The following CDC42BPA variants were observed in gnomAD, a reference collection of about 807,000 sequenced individuals.
CDC42BPA encodes CDC42 binding protein kinase alpha.
CDC42BPA carries 80 observed loss-of-function variants against 223.5 expected under a neutral mutation model. That is an observed-to-expected ratio of 0.36 (90% CI 0.30 to 0.43). The LOEUF (loss-of-function observed/expected upper bound fraction) is 0.43, where lower values mean the gene tolerates loss of function less well. CDC42BPA is among the 20% of genes least tolerant of loss of function. The probability of loss-of-function intolerance (pLI) is 1.00; values close to 1 mark genes in which losing one functional copy is unlikely to be tolerated. For missense variants in CDC42BPA, 1,743 were observed against 2,099.9 expected (o/e 0.83, Z 3.32); for synonymous variants, 694 against 718.6 (o/e 0.97, Z 0.55).
At chr1:227,263,944 T>C (rs561211861) in intron 1 of CDC42BPA, among the ~76,000 whole-genome samples, 3 of 152,148 alleles carry the variant, frequency 2.0e-5, no homozygotes, top group Non-Finnish European at 4.4e-5. Flanking sequence ...TCTGGATGGA[T>C]TTTAGTCTAA....
At chr1:227,057,784 A>G (rs1411042058) in intron 21 of CDC42BPA, among the ~76,000 whole-genome samples, 1 of 152,254 alleles carries the variant, frequency 6.6e-6, no homozygotes, top group Non-Finnish European at 1.5e-5. Flanking sequence ...CATAGAATTA[A>G]GGAGAGACCT....
chr1:227,173,721 T>A (rs548092294), intron 5 of CDC42BPA, among the ~76,000 whole-genome samples: 3 of 152,248 alleles, frequency 2.0e-5, no homozygotes, highest in Admixed American at 6.5e-5. Context: ...ATTTTTTTTT[T>A]AACTCTACCC....
chr1:227,302,403 T>C lies in CDC42BPA; in HGVS notation c.178+14602A>G, dbSNP rs183486812. ...TCATACTTAAGAATTTGTCTGGATA[T>C]AGAATTTCAGTTTAGAAACTGTTTT... On this transcript the variant is annotated intron_variant, in intron 1 of 36. Coordinates refer to ENST00000366766, the MANE Select transcript of CDC42BPA (RefSeq NM_001394014.1). 3.3e-5 allele frequency among the ~76,000 whole-genome samples: 5 copies of C among 152,330 alleles called. No homozygotes were observed. The East Asian group carries it at 7.7e-4, about 23-fold the overall frequency.
At chr1:227,126,933 A>G (rs1198689747) in intron 11 of CDC42BPA, among the ~76,000 whole-genome samples, 2 of 152,198 alleles carry the variant, frequency 1.3e-5, no homozygotes, top group Admixed American at 6.5e-5. Flanking sequence ...AGGCAAGAAA[A>G]GGAAACAAAA....
chr1:227,136,412 C>G (rs1021346244), intron 10 of CDC42BPA, among the ~76,000 whole-genome samples: 3 of 152,102 alleles, frequency 2.0e-5, no homozygotes, highest in Non-Finnish European at 2.9e-5. Flanking sequence ...TACCATCTAA[C>G]ATATACACAA....
At chr1:227,251,218 A>T (rs1352228851) in intron 2 of CDC42BPA, among the ~76,000 whole-genome samples, 1 of 150,574 alleles carries the variant, frequency 6.6e-6, no homozygotes, top group Non-Finnish European at 1.5e-5. Context: ...TGGAACTAAA[A>T]TATATGACAG....
At chr1:227,184,390 G>GT (rs1331673738) in intron 5 of CDC42BPA, among the ~76,000 whole-genome samples, 4 of 145,532 alleles carry the variant, frequency 2.7e-5, no homozygotes, top group African/African-American at 8.0e-5. Flanking sequence ...AGTTATTTGG[G>GT]GTTTTTTTTT....
intron 1 of CDC42BPA, among the ~76,000 whole-genome samples, chr1:227,291,275 G>A (rs933833229): frequency 7.9e-5 from 12 of 152,070 alleles, no homozygotes; most frequent in African/African-American, 2.9e-4. Flanking sequence ...TAGGCTGGGC[G>A]CGGTGGCTCA....
intron 10 of CDC42BPA, among the ~76,000 whole-genome samples, chr1:227,134,706 A>G (rs1399831141): frequency 6.6e-6 from 1 of 152,224 alleles, no homozygotes; most frequent in Non-Finnish European, 1.5e-5. Context: ...ATGTTAATCT[A>G]TGTCACTGCT....
rs115609753 is a variant in CDC42BPA, at chr1:227,064,213, T to C, written c.2904+5564A>G. 3.9e-3 allele frequency among the ~76,000 whole-genome samples: 601 copies of C among 152,306 alleles called. 4 individuals carry two copies. Among genetic ancestry groups the C allele is most frequent in the African/African-American group, 0.014 (580 of 41,570 alleles). ...AGTAAGAAAACTCTGAAAAACCAAG[T>C]TGAGTACATTCTCATTTTCCAGGCA... On this transcript the variant is annotated intron_variant, in intron 21 of 36. Transcript: ENST00000366766.
At chr1:227,311,543 T>C (rs1331625743) in intron 1 of CDC42BPA, among the ~76,000 whole-genome samples, 1 of 152,118 alleles carries the variant, frequency 6.6e-6, no homozygotes, top group Non-Finnish European at 1.5e-5. Context: ...ATAGGTCATA[T>C]GGTTATCACT....
At chr1:227,083,144 G>A (rs1370763033) in intron 16 of CDC42BPA, among the ~76,000 whole-genome samples, 1 of 139,214 alleles carries the variant, frequency 7.2e-6, no homozygotes, top group Admixed American at 7.1e-5. Flanking sequence ...ATATTGCACT[G>A]CCACCATCTC....
At chr1:227,048,761 A>G (rs993820982) in intron 22 of CDC42BPA, among the ~76,000 whole-genome samples, 9 of 150,658 alleles carry the variant, frequency 6.0e-5, no homozygotes, top group African/African-American at 2.2e-4. Flanking sequence ...GAGAAAAAAA[A>G]AAAAAAAAAA....
At chr1:227,150,963 T>A (rs1661643968) in intron 6 of CDC42BPA, among the ~76,000 whole-genome samples, 1 of 151,928 alleles carries the variant, frequency 6.6e-6, no homozygotes, top group African/African-American at 2.4e-5. Flanking sequence ...ATTTCTTAGG[T>A]TTTTTAAATT....
intron 2 of CDC42BPA, among the ~76,000 whole-genome samples, chr1:227,230,702 A>G (rs570079766): frequency 9.9e-5 from 15 of 152,190 alleles, no homozygotes; most frequent in Middle Eastern, 3.4e-3. Context: ...TCTTATTAAC[A>G]AAATTTTTAT....
intron 11 of CDC42BPA, among the ~76,000 whole-genome samples, chr1:227,120,690 G>A (rs1688513439): frequency 6.6e-6 from 1 of 152,128 alleles, no homozygotes; most frequent in Admixed American, 6.5e-5. Context: ...AATGTTCCTG[G>A]TATCAAAAGT....
At chr1:227,302,778 C>A (rs1039918895) in intron 1 of CDC42BPA, among the ~76,000 whole-genome samples, 2 of 152,038 alleles carry the variant, frequency 1.3e-5, no homozygotes, top group Middle Eastern at 3.4e-3. Flanking sequence ...CTCAATTGGT[C>A]CTCTAATTTT....
intron 16 of CDC42BPA, among the ~76,000 whole-genome samples, chr1:227,089,640 T>G (rs989902346): frequency 6.4e-5 from 9 of 141,324 alleles, no homozygotes; most frequent in South Asian, 2.5e-4. Flanking sequence ...TTTTTTTTTT[T>G]TTTTTTTTTT....
intron 21 of CDC42BPA, among the ~76,000 whole-genome samples, chr1:227,057,620 T>C (rs768392351): frequency 6.6e-6 from 1 of 152,152 alleles, no homozygotes; most frequent in African/African-American, 2.4e-5. Flanking sequence ...AGTGGCTGAC[T>C]TTTTTTGTGA....
Sources: allele counts gnomAD v4.1 joint callset (sites outside exome capture counted in the v4.1 genomes callset), GRCh38; gene constraint gnomAD v4.1.1; transcripts MANE v1.5; gene names NCBI Gene and HGNC (gene_info 2026-07-23, HGNC 2026-07-21).